Variants in KNDC1 observed in about 807,000 individuals in gnomAD.
KNDC1 encodes kinase non-catalytic C-lobe domain containing 1.
A neutral mutation model predicts 172.8 loss-of-function variants in KNDC1; 106 were observed. The observed-to-expected ratio is 0.61, with a 90% confidence interval of 0.52 to 0.72. The LOEUF is 0.72. Ranked by LOEUF, KNDC1 falls within the 30% of genes least tolerant of loss-of-function variation. The probability of loss-of-function intolerance (pLI) is 0.00; values close to 1 mark genes in which losing one functional copy is unlikely to be tolerated. For synonymous variants in KNDC1, 1,083 were observed against 1,062.2 expected (o/e 1.02, Z -0.38); for missense variants, 2,325 against 2,394.5 (o/e 0.97, Z 0.61).
chr10:133,207,402 T>C (rs934074726), intron 20 of KNDC1, 51 bp downstream of exon 20: 7 of 1,546,584 alleles, frequency 4.5e-6, no homozygotes, highest in African/African-American at 4.1e-5. Context: ...CCCGGGGTGC[T>C]GAGAAGAGGG....
chr10:133,207,672 C>G (rs1045084007), intron 20 of KNDC1, among the ~76,000 whole-genome samples: 15 of 152,244 alleles, frequency 9.9e-5, no homozygotes, highest in African/African-American at 3.6e-4. Flanking sequence ...GGCAGCTCGG[C>G]GATGTGGCCT....
chr10:133,195,558 G>A (rs1479712422), intron 9 of KNDC1, 105 bp from the exon 10 acceptor site: 1 of 1,130,292 alleles, frequency 8.8e-7, no homozygotes, highest in African/African-American at 1.6e-5. Context: ...CCCCTCTGTG[G>A]GGGCAGTGCC....
chr10:133,219,923 C>G, intron 28 of KNDC1, 32 bp from the exon 29 acceptor site: 1 of 1,541,364 alleles, frequency 6.5e-7, no homozygotes, highest in South Asian at 1.2e-5. Context: ...CGCCCTGTCT[C>G]TCCCCGGCCC....
Position 133,207,004 on chromosome 10 carries a change from G to A in KNDC1, c.3579+51G>A, listed in dbSNP as rs757278463. On this transcript the variant is annotated intron_variant, in intron 19 of 29. Coordinates refer to ENST00000304613, the MANE Select transcript of KNDC1 (RefSeq NM_152643.8). ...GCCCCGTGAGGCAGTAGCTTCAGAC[G>A]GGCCTCCCACTGTTGGATGCTGTAA... The A allele has an allele frequency of 2.4e-5, 37 of 1,568,878 alleles. No individual in the cohort carries two copies. The South Asian group carries it at 3.4e-4, about 15-fold the overall frequency.
At chr10:133,183,034 C>T (rs998379257) in intron 3 of KNDC1, among the ~76,000 whole-genome samples, 1 of 148,598 alleles carries the variant, frequency 6.7e-6, no homozygotes, top group African/African-American at 2.5e-5. Context: ...GTGCGAGCAG[C>T]ATGGGCGGCG....
chr10:133,195,844 C>T, intron 10 of KNDC1, 23 bp downstream of exon 10: 1 of 1,518,972 alleles, frequency 6.6e-7, no homozygotes, highest in South Asian at 1.2e-5. Flanking sequence ...CAGTCATGGC[C>T]CCAGCCCAGG....
In KNDC1 at chr10:133,209,425, AGT is replaced by A. The variant is rs142395560; in HGVS notation, c.3795-1176_3795-1175del. 0.37 allele frequency among the ~76,000 whole-genome samples: 54,817 copies of A among 146,324 alleles called. 11,508 individuals carry two copies. The highest frequency in any genetic ancestry group is 0.62 in the East Asian group (3,048 of 4,884). ...GTGATCTGTGGTGTGTGGCGGGTAT[AGT>A]GTGTGTGTGCACGTATGTGTGGTGT... On this transcript the variant is annotated intron_variant, in intron 20 of 29. Coordinates refer to ENST00000304613, the MANE Select transcript of KNDC1 (RefSeq NM_152643.8). This position sits in a 1 kb window ranked among gnomAD's most constrained non-coding sequence, Gnocchi z 4.9.
intron 2 of KNDC1, 67 bp from the exon 3 acceptor site, chr10:133,168,187 C>T (rs1403963582): frequency 1.4e-6 from 2 of 1,458,588 alleles, no homozygotes; most frequent in African/African-American, 2.8e-5. Flanking sequence ...AGGCCCTTCT[C>T]AGCTGGCGGG....
intron 17 of KNDC1, among the ~76,000 whole-genome samples, chr10:133,205,521 T>C (rs1044500054): frequency 6.6e-6 from 1 of 152,218 alleles, no homozygotes; most frequent in Non-Finnish European, 1.5e-5. Context: ...TCAACGCTCA[T>C]GCTCTATGGA....
rs770160976 is a variant in KNDC1, at chr10:133,186,268, C to T, written c.920C>T (p.Thr307Met). The T allele has an allele frequency of 1.2e-5, 19 of 1,608,176 alleles. No individual in the cohort carries two copies. The highest frequency in any genetic ancestry group is 2.7e-5 in the African/African-American group (2 of 74,798). ...AGAAGCCGCCTGCGGAAGGTGCAGA[C>T]GTTCCCTAGGCTGCTGTCCGACAGC... Reference protein sequence around the residue: ...LRRSRLRKVQTFPRLLSDSPE... With the variant: ...LRRSRLRKVQMFPRLLSDSPE... Residue 307 changes from threonine to methionine, a missense_variant, in exon 6 of 30, where the codon ACG (threonine) becomes ATG (methionine). Physicochemically the swap from Thr to Met is moderately conservative, Grantham distance 81 (BLOSUM62 -1). Coordinates refer to ENST00000304613, the MANE Select transcript of KNDC1 (RefSeq NM_152643.8).
intron 9 of KNDC1, among the ~76,000 whole-genome samples, chr10:133,192,940 C>T (rs1381814397): frequency 6.6e-6 from 1 of 152,132 alleles, no homozygotes; most frequent in Non-Finnish European, 1.5e-5. Context: ...CTACAGATTT[C>T]AGAAGGTGAG....
At chr10:133,161,828 C>CCA (rs918443337) in intron 1 of KNDC1, among the ~76,000 whole-genome samples, 12 of 152,340 alleles carry the variant, frequency 7.9e-5, no homozygotes, top group African/African-American at 2.9e-4. Context: ...GCAGCTCTTC[C>CCA]CACAGCTCCT....
At chr10:133,161,433 T>C (rs1372487519) in intron 1 of KNDC1, among the ~76,000 whole-genome samples, 1 of 152,068 alleles carries the variant, frequency 6.6e-6, no homozygotes, top group Non-Finnish European at 1.5e-5. Flanking sequence ...GCCGGCCAAG[T>C]AAGCCTGGAG....
At chr10:133,219,249 G>A (rs527553189) in intron 28 of KNDC1, among the ~76,000 whole-genome samples, 159 bp downstream of exon 28, 1 of 152,228 alleles carries the variant, frequency 6.6e-6, no homozygotes, top group African/African-American at 2.4e-5. Context: ...GTCATCTCCC[G>A]GCAGGGCCTC....
intron 29 of KNDC1, among the ~76,000 whole-genome samples, chr10:133,221,498 C>G (rs1023678013): frequency 4.6e-5 from 7 of 152,170 alleles, no homozygotes; most frequent in Non-Finnish European, 5.9e-5. Context: ...CTCTCTCCCT[C>G]AAGACACAAT....
chr10:133,172,202 A>C (rs1021868879), intron 3 of KNDC1, among the ~76,000 whole-genome samples: 4 of 152,076 alleles, frequency 2.6e-5, no homozygotes, highest in Admixed American at 6.5e-5. Flanking sequence ...CCCCATTCTA[A>C]AAAGAGCGCT....
Position 133,198,631 on chromosome 10 carries a change from A to G in KNDC1, c.2123A>G (p.Glu708Gly). 1.2e-6 allele frequency: 2 copies of G among 1,604,946 alleles called. No individual in the cohort carries two copies. The highest frequency in any genetic ancestry group is 1.7e-6 in the Non-Finnish European group (2 of 1,176,156). ...TCCGAGGAGAGGGGCGGCCAGAGGG[A>G]GGGAGAAGGTGAGGAGAAGCTCTCC... is the stretch of plus-strand genomic sequence containing the variant. ...EESEERGGQREGEGEEKLSLE... is the reference protein window; with the variant it reads ...EESEERGGQRGGEGEEKLSLE... Residue 708 changes from glutamate (E) to glycine (G), a missense_variant, in exon 14 of 30, where the codon GAG (glutamate) becomes GGG (glycine). Physicochemically the swap from Glu to Gly is moderately conservative, Grantham distance 98 (BLOSUM62 -2). Transcript: ENST00000304613.
intron 1 of KNDC1, 40 bp downstream of exon 1, chr10:133,160,609 G>A: frequency 2.1e-6 from 3 of 1,454,600 alleles, no homozygotes; most frequent in South Asian, 1.2e-5. Context: ...TTCCGCCGCC[G>A]AGGGGTCCGC....
intron 3 of KNDC1, among the ~76,000 whole-genome samples, chr10:133,181,833 TCCACACACACACAC>T (rs1176538856): frequency 8.1e-6 from 1 of 124,094 alleles, no homozygotes; most frequent in African/African-American, 4.0e-5. Context: ...CCCAGGACCG[TCCACACACACACAC>T]ACACACACAC....
Sources: gnomAD v4.1 joint callset for allele counts (sites outside exome capture counted in the v4.1 genomes callset) on GRCh38, gnomAD v4.1.1 for gene constraint, Gnocchi (gnomAD v3.1) non-coding constraint, MANE v1.5 for transcripts, NCBI Gene and HGNC (gene_info 2026-07-23, HGNC 2026-07-21) for gene names.